MYOM2: variants seen among roughly 807,000 people sequenced by gnomAD.
The protein encoded by MYOM2 is myomesin 2.
Under a neutral mutation model 187.6 loss-of-function variants are expected in MYOM2, and 254 were observed. That is an observed-to-expected ratio of 1.35 (90% CI 1.22 to 1.50). MYOM2 has a LOEUF of 1.50. Among genes scored for constraint, MYOM2 ranks in the 40% most tolerant of loss-of-function variants. The pLI is 0.00. For missense variants in MYOM2, 2,796 were observed against 1,924.0 expected (o/e 1.45, Z -8.48); for synonymous variants, 981 against 753.8 (o/e 1.30, Z -4.94).
chr8:2,090,114 G>T lies in MYOM2; in HGVS notation c.1751G>T (p.Arg584Leu). ...ATGGAAGGGAAGTCTTATGTGTTCC[G>T]AGTGCTGTCAGCAAACCGGCATGGC... ...DLMEGKSYVF[R>L]VLSANRHGLS... The change falls in exon 15 of 37, where the codon CGA (arginine) becomes CTA (leucine). Residue 584 changes from arginine to leucine, a missense_variant. Arg to Leu is a moderately radical substitution (Grantham distance 102). Transcript: ENST00000262113. The T allele has an allele frequency of 6.2e-7, 1 of 1,614,054 alleles. No homozygotes were observed. Among genetic ancestry groups the T allele is most frequent in the Non-Finnish European group, 8.5e-7 (1 of 1,179,996 alleles).
rs765388620 is a variant in MYOM2, at chr8:2,057,722, A to T, written c.502A>T (p.Arg168Trp). The change falls in exon 5 of 37, where the codon AGG becomes TGG. Residue 168 changes from arginine (R) to tryptophan (W), a missense_variant. Transcript: ENST00000262113. Reference sequence around the variant, plus strand: ...GCTGCGATCCCACACCGTCTGGGAGAGGATGTCTGTGAAACTCTGCTTCAC... The same window carrying T: ...GCTGCGATCCCACACCGTCTGGGAGTGGATGTCTGTGAAACTCTGCTTCAC... ...VRLRSHTVWE[R>W]MSVKLCFTVQ... is the part of the protein sequence containing the mutation. 14 of 1,614,022 alleles carry T rather than the reference A, an allele frequency of 8.7e-6. No homozygotes were observed. The highest frequency in any genetic ancestry group is 1.3e-5 in the African/African-American group (1 of 74,990).
In MYOM2 at chr8:2,145,043, T is replaced by C. The variant is rs1798415662; in HGVS notation, c.*62T>C. On this transcript the variant is annotated 3_prime_UTR_variant, in exon 37 of 37. Coordinates refer to ENST00000262113, the MANE Select transcript of MYOM2 (RefSeq NM_003970.4). ...TGGCAGAGACAGGAATGCTGTGTGC[T>C]TGTTCCAAATGAGCAGCTGGCATCC... 1 of 1,565,200 alleles carries C rather than the reference T, an allele frequency of 6.4e-7. No homozygotes were observed. Among genetic ancestry groups the C allele is most frequent in the East Asian group, 2.3e-5 (1 of 44,018 alleles).
intron 25 of MYOM2, among the ~76,000 whole-genome samples, chr8:2,112,897 C>T (rs895698154): frequency 6.6e-6 from 1 of 152,212 alleles, no homozygotes; most frequent in Non-Finnish European, 1.5e-5. Context: ...GTTCCAAGGG[C>T]TGACGGAGTC....
At chr8:2,140,524 G>C (rs1339585155) in intron 32 of MYOM2, among the ~76,000 whole-genome samples, 199 bp from the exon 33 acceptor site, 3 of 152,180 alleles carry the variant, frequency 2.0e-5, no homozygotes, top group Admixed American at 6.5e-5. Flanking sequence ...TAAAAATTAA[G>C]TATCATTTAA....
At chr8:2,073,583 G>T in intron 10 of MYOM2, 83 bp downstream of exon 10, 1 of 1,461,142 alleles carries the variant, frequency 6.8e-7, no homozygotes, top group South Asian at 1.4e-5. Context: ...GAGGCGCTGG[G>T]AAAAGGAGTC....
chr8:2,074,765 G>A (rs894687903), intron 10 of MYOM2, among the ~76,000 whole-genome samples: 5 of 152,154 alleles, frequency 3.3e-5, no homozygotes, highest in Admixed American at 2.0e-4. Flanking sequence ...CCCCACCTAC[G>A]CTTTTATCAG....
intron 21 of MYOM2, among the ~76,000 whole-genome samples, chr8:2,104,194 C>G (rs542733759): frequency 6.6e-6 from 1 of 152,214 alleles, no homozygotes; most frequent in East Asian, 1.9e-4. Flanking sequence ...TAAAAGTTCC[C>G]TGGAGTCAAC....
chr8:2,130,055 A>G (rs1797800991), intron 32 of MYOM2, among the ~76,000 whole-genome samples: 1 of 151,994 alleles, frequency 6.6e-6, no homozygotes, highest in South Asian at 2.1e-4. Context: ...AGGCACCCAG[A>G]TGTTAACGCC....
At chr8:2,080,727 T>G (rs1819591598) in intron 13 of MYOM2, among the ~76,000 whole-genome samples, 1 of 152,222 alleles carries the variant, frequency 6.6e-6, no homozygotes, top group African/African-American at 2.4e-5. Flanking sequence ...CATGGATATT[T>G]GAATGACTGA....
At chr8:2,079,765 C>T in intron 13 of MYOM2, 152 bp downstream of exon 13, 2 of 805,650 alleles carry the variant, frequency 2.5e-6, no homozygotes, top group East Asian at 4.9e-5. Flanking sequence ...AGCCCAGTGT[C>T]CATAGAAGTT....
intron 6 of MYOM2, among the ~76,000 whole-genome samples, chr8:2,064,262 C>T (rs753908697): frequency 3.7e-4 from 56 of 152,318 alleles, no homozygotes; most frequent in South Asian, 2.1e-4. Flanking sequence ...CAGGTCTTTG[C>T]GTTTGTTTAT....
chr8:2,086,109 T>C (rs1265170913), intron 14 of MYOM2, among the ~76,000 whole-genome samples: 16 of 1,066 alleles, frequency 0.015, 4 homozygotes, highest in South Asian at 0.14. Flanking sequence ...CCCCCACTGT[T>C]GTGATCTCTT....
intron 14 of MYOM2, among the ~76,000 whole-genome samples, chr8:2,086,599 G>T (rs895312214): frequency 6.6e-6 from 1 of 152,192 alleles, no homozygotes; most frequent in African/African-American, 2.4e-5. Flanking sequence ...CCGTTGCTGG[G>T]GAAAATGAGG....
chr8:2,120,696 A>ATTT (rs1491564842), intron 28 of MYOM2, among the ~76,000 whole-genome samples: 3 of 83,998 alleles, frequency 3.6e-5, no homozygotes, highest in Admixed American at 1.6e-4. Flanking sequence ...ATAAATATAT[A>ATTT]ATATATATAT....
chr8:2,137,705 G>T (rs13263371), intron 32 of MYOM2, among the ~76,000 whole-genome samples: 113,332 of 151,896 alleles, frequency 0.75, 42,974 homozygotes, highest in African/African-American at 0.9. Flanking sequence ...ACATGCTTGT[G>T]GAACCCTGTT....
rs1818723597 is a variant in MYOM2, at chr8:2,057,864, T to C, written c.560+84T>C. On this transcript the variant is annotated intron_variant, in intron 5 of 36. Coordinates refer to ENST00000262113, the MANE Select transcript of MYOM2 (RefSeq NM_003970.4). ...ACCCCAGTTAAGGAGACAAACGCCA[T>C]TGAACCTGTGCTGGAGGCCACTTAC... is the stretch of plus-strand genomic sequence containing the variant. The C allele has an allele frequency of 7.4e-6, 11 of 1,476,976 alleles. No individual in the cohort carries two copies. In the Admixed American group the frequency reaches 7.9e-5, roughly 11 times the overall value. 91.5% of individuals were successfully genotyped at this position (1,476,976 alleles called of 1,614,324 possible).
In MYOM2 at chr8:2,052,269, G is replaced by A. The variant is rs767217962; in HGVS notation, c.219G>A (p.Lys73=). The A allele has an allele frequency of 1.2e-6, 2 of 1,611,032 alleles. No individual in the cohort carries two copies. The highest frequency in any genetic ancestry group is 1.3e-5 in the African/African-American group (1 of 74,880). Reference sequence around the variant, plus strand: ...GAACCATCTGCAGGGTCTGTGCGAAGCGAGTGAGCACGCAGGAAGATGAGG... The same window carrying A: ...GAACCATCTGCAGGGTCTGTGCGAAACGAGTGAGCACGCAGGAAGATGAGG... ...LGGTICRVCA[K]RVSTQEDEEQ... Residue 73 remains lysine (K), a synonymous_variant, in exon 3 of 37, where the codon AAG becomes AAA. Coordinates refer to ENST00000262113, the MANE Select transcript of MYOM2 (RefSeq NM_003970.4).
rs778635723 is a variant in MYOM2, at chr8:2,094,040, A to T, written c.2074A>T (p.Met692Leu). 1.9e-6 allele frequency: 3 copies of T among 1,614,112 alleles called. No individual in the cohort carries two copies. The highest frequency in any genetic ancestry group is 1.7e-6 in the Non-Finnish European group (2 of 1,180,034). Residue 692 changes from methionine (M) to leucine (L), a missense_variant, in exon 17 of 37, where the codon ATG becomes TTG. Physicochemically the swap from Met to Leu is conservative, Grantham distance 15. Coordinates refer to ENST00000262113, the MANE Select transcript of MYOM2 (RefSeq NM_003970.4). ...FRVKAVNAVG[M>L]SENSQESDVI... ...AGTCAAGGCGGTCAATGCTGTGGGG[A>T]TGAGTGAAAATTCCCAGGAATCAGA...
chr8:2,106,611 G>A lies in MYOM2; in HGVS notation c.2998+14G>A. The A allele has an allele frequency of 1.9e-6, 3 of 1,560,594 alleles. No individual in the cohort carries two copies. Among genetic ancestry groups the A allele is most frequent in the Non-Finnish European group, 2.6e-6 (3 of 1,140,096 alleles). ...TGGACCCAGAAGGTAATATTTATAT[G>A]GCAGAACCTTGCCTGTTTTGGTTTT... is the stretch of plus-strand genomic sequence containing the variant. On this transcript the variant is annotated intron_variant, in intron 23 of 36. Transcript: ENST00000262113.
Sources: allele counts gnomAD v4.1 joint callset (sites outside exome capture counted in the v4.1 genomes callset), GRCh38; gene constraint gnomAD v4.1.1; transcripts MANE v1.5; gene names NCBI Gene and HGNC (gene_info 2026-07-23, HGNC 2026-07-21).